Variants in TXNDC16 observed in about 807,000 individuals in gnomAD.
TXNDC16 encodes the protein thioredoxin domain containing 16, also known as thioredoxin domain-containing protein 16.
TXNDC16 carries 74 observed loss-of-function variants against 85.6 expected under a neutral mutation model. That is an observed-to-expected ratio of 0.86 (90% CI 0.72 to 1.05). The LOEUF is 1.05. TXNDC16 is among the 50% of genes least tolerant of loss of function. The pLI is 0.00. For synonymous variants in TXNDC16, 335 were observed against 326.5 expected (o/e 1.03, Z -0.28); for missense variants, 959 against 947.0 (o/e 1.01, Z -0.17).
At position 52,491,796 on chromosome 14, in the gene TXNDC16, G is replaced by A. The variant is rs117247105; in HGVS notation, c.757-791C>T. Among the ~76,000 whole-genome samples, 996 of 152,224 alleles carry A rather than the reference G, an allele frequency of 6.5e-3. 9 individuals are homozygous for A. Among genetic ancestry groups the A allele is most frequent in the South Asian group, 0.012 (59 of 4,824 alleles). ...AACTCCCAGGAAAACTACAGCAGCA[G>A]GATTTTTAAAAGAGATAAACACATG... On this transcript the variant is annotated intron_variant, in intron 9 of 20. Transcript: ENST00000281741.
intron 20 of TXNDC16, among the ~76,000 whole-genome samples, chr14:52,434,424 G>A: frequency 6.6e-6 from 1 of 152,072 alleles, no homozygotes; most frequent in Non-Finnish European, 1.5e-5. Flanking sequence ...CATCAAATCA[G>A]TAATGATAAT....
chr14:52,528,258 C>T (rs1313227295), intron 6 of TXNDC16, among the ~76,000 whole-genome samples: 4 of 152,008 alleles, frequency 2.6e-5, no homozygotes, highest in East Asian at 1.9e-4. Flanking sequence ...ACAAATGCTT[C>T]GGGATAAAAG....
At chr14:52,492,975 A>G (rs1213791835) in intron 9 of TXNDC16, among the ~76,000 whole-genome samples, 1 of 152,042 alleles carries the variant, frequency 6.6e-6, no homozygotes, top group Non-Finnish European at 1.5e-5. Flanking sequence ...ATAGTAAGAA[A>G]CTAAGAAGAT....
chr14:52,440,459 C>T, intron 19 of TXNDC16, 105 bp downstream of exon 19: 2 of 933,162 alleles, frequency 2.1e-6, no homozygotes, highest in Admixed American at 3.9e-5. Context: ...TATTTGGTTC[C>T]ATAAAATTAA....
chr14:52,439,138 T>C, intron 20 of TXNDC16, 66 bp downstream of exon 20: 12 of 1,444,508 alleles, frequency 8.3e-6, no homozygotes, highest in Non-Finnish European at 1.2e-5. Context: ...TTTAGCTATA[T>C]TTAGAGTTTA....
chr14:52,478,240 CAG>C (rs1308648391), intron 14 of TXNDC16, among the ~76,000 whole-genome samples: 14 of 152,006 alleles, frequency 9.2e-5, no homozygotes. Flanking sequence ...AGAGCACAAA[CAG>C]ACAATCTAAG....
At chr14:52,543,775 A>T in intron 2 of TXNDC16, 145 bp from the exon 3 acceptor site, 1 of 475,802 alleles carries the variant, frequency 2.1e-6, no homozygotes, top group South Asian at 2.6e-5. Context: ...TTGAGGGGGG[A>T]CAATATATAA....
At chr14:52,503,422 C>T (rs1023165719) in intron 9 of TXNDC16, among the ~76,000 whole-genome samples, 10 of 152,198 alleles carry the variant, frequency 6.6e-5, no homozygotes, top group Non-Finnish European at 1.3e-4. Flanking sequence ...CACCAATATT[C>T]GCTGTTCTGC....
At chr14:52,508,777 G>A (rs1337907013) in intron 9 of TXNDC16, among the ~76,000 whole-genome samples, 2 of 152,178 alleles carry the variant, frequency 1.3e-5, no homozygotes, top group Non-Finnish European at 2.9e-5. Context: ...GGACATGGAT[G>A]AAGCTGGAAA....
At chr14:52,526,515 T>A (rs2037339183) in intron 6 of TXNDC16, among the ~76,000 whole-genome samples, 1 of 152,186 alleles carries the variant, frequency 6.6e-6, no homozygotes, top group Non-Finnish European at 1.5e-5. Flanking sequence ...AGATCAAATC[T>A]AGCAAGATAG....
intron 20 of TXNDC16, among the ~76,000 whole-genome samples, chr14:52,437,594 G>C (rs1304360087): frequency 6.6e-6 from 1 of 151,850 alleles, no homozygotes; most frequent in African/African-American, 2.4e-5. Context: ...CACAGCAAAG[G>C]AAACAATAAA....
At chr14:52,542,693 T>C (rs1252352512) in intron 3 of TXNDC16, among the ~76,000 whole-genome samples, 1 of 152,146 alleles carries the variant, frequency 6.6e-6, no homozygotes, top group Non-Finnish European at 1.5e-5. Flanking sequence ...AAAACAACAA[T>C]ATAATAAATG....
At chr14:52,477,895 G>C (rs949765046) in intron 14 of TXNDC16, among the ~76,000 whole-genome samples, 1 of 152,012 alleles carries the variant, frequency 6.6e-6, no homozygotes, top group African/African-American at 2.4e-5. Context: ...ACAGCACATG[G>C]AACTTTCTCC....
intron 16 of TXNDC16, among the ~76,000 whole-genome samples, chr14:52,461,095 CTTT>C (rs923118391): frequency 2.0e-5 from 3 of 147,390 alleles, no homozygotes; most frequent in Non-Finnish European, 4.4e-5. Context: ...TAAATAACTT[CTTT>C]TTTTCTCACA....
At chr14:52,439,967 A>G (rs2035129387) in intron 19 of TXNDC16, among the ~76,000 whole-genome samples, 1 of 152,192 alleles carries the variant, frequency 6.6e-6, no homozygotes, top group Non-Finnish European at 1.5e-5. Flanking sequence ...ACCTGTAATG[A>G]TAATTGCCTG....
At chr14:52,441,810 T>C (rs2035172604) in intron 18 of TXNDC16, among the ~76,000 whole-genome samples, 1 of 152,150 alleles carries the variant, frequency 6.6e-6, no homozygotes, top group Non-Finnish European at 1.5e-5. Flanking sequence ...ATCTTAGAAA[T>C]ACTTCCTTTC....
chr14:52,433,132 A>G (rs2034945635), intron 20 of TXNDC16, among the ~76,000 whole-genome samples: 1 of 152,182 alleles, frequency 6.6e-6, no homozygotes, highest in Admixed American at 6.5e-5. Context: ...CACACACTTT[A>G]TGAAAACAAG....
chr14:52,512,382 G>C (rs957786177), intron 8 of TXNDC16, among the ~76,000 whole-genome samples: 7 of 152,124 alleles, frequency 4.6e-5, no homozygotes, highest in African/African-American at 1.7e-4. Context: ...GAAGGAAGGG[G>C]AAGAAAACGG....
chr14:52,494,867 GA>G (rs1449944885), intron 9 of TXNDC16, among the ~76,000 whole-genome samples: 1 of 152,182 alleles, frequency 6.6e-6, no homozygotes, highest in Non-Finnish European at 1.5e-5. Flanking sequence ...TGGACAGTAA[GA>G]TAACCAAAAT....
Sources: gnomAD v4.1 joint callset for allele counts (sites outside exome capture counted in the v4.1 genomes callset) on GRCh38, gnomAD v4.1.1 for gene constraint, MANE v1.5 for transcripts, NCBI Gene and HGNC (gene_info 2026-07-23, HGNC 2026-07-21) for gene names.